Variants in ADA observed in about 807,000 individuals in gnomAD.
ADA encodes adenosine aminohydrolase.
In ADA, 45 loss-of-function variants were observed where a neutral mutation model predicts 49.0. The ratio of observed to expected loss-of-function variants is 0.92; its 90% CI spans 0.72 to 1.18. ADA has a LOEUF of 1.18. Among genes scored for constraint, ADA ranks in the 50% most tolerant of loss-of-function variants. ADA has a pLI of 0.00. For synonymous variants in ADA, 173 were observed against 184.2 expected (o/e 0.94, Z 0.49); for missense variants, 445 against 472.5 (o/e 0.94, Z 0.54).
chr20:44,634,782 T>C (rs895658294), intron 2 of ADA, among the ~76,000 whole-genome samples: 3 of 152,104 alleles, frequency 2.0e-5, no homozygotes, highest in East Asian at 1.9e-4. Context: ...CTCCCGAGAG[T>C]TGGGGGCAAC....
chr20:44,625,533 ACGGG>A, intron 5 of ADA, 32 bp downstream of exon 5: 1 of 1,537,262 alleles, frequency 6.5e-7, no homozygotes. Flanking sequence ...CCAGGGTGAG[ACGGG>A]CGGCCCTGGG....
In ADA at chr20:44,646,813, A is replaced by T. The variant is rs75996801; in HGVS notation, c.33+4762T>A. 8.4e-3 allele frequency among the ~76,000 whole-genome samples: 1,263 copies of T among 150,834 alleles called. 30 individuals are homozygous for T. The highest frequency in any genetic ancestry group is 0.029 in the African/African-American group (1,184 of 40,888). On this transcript the variant is annotated intron_variant, in intron 1 of 11. Coordinates refer to ENST00000372874, the MANE Select transcript of ADA (RefSeq NM_000022.4). ...CCCCACACTGCCCCCTCTTTTTTGC[A>T]TAAAGTGGAATTGGCAAATGAGCAA...
chr20:44,632,990 G>A (rs1035137959), intron 2 of ADA, among the ~76,000 whole-genome samples: 2 of 152,204 alleles, frequency 1.3e-5, no homozygotes, highest in African/African-American at 2.4e-5. Context: ...CACCATGCAC[G>A]CTCTGTTCTT....
rs746049112 is a variant in ADA at position 44,629,033 on chromosome 20, T to G, written c.218+14A>C. 3 of 1,614,012 alleles carry G rather than the reference T, an allele frequency of 1.9e-6. No individual in the cohort carries two copies. In the Admixed American group the frequency reaches 5.0e-5, roughly 27 times the overall value. On this transcript the variant is annotated intron_variant, in intron 3 of 11. Transcript: ENST00000372874. ...CAATGCTGCCCTAGGACCTGTGGGT[T>G]GGGGGCAACTCACGCGATAGCAGGC...
chr20:44,647,936 C>T (rs1039384647), intron 1 of ADA, among the ~76,000 whole-genome samples: 4 of 151,904 alleles, frequency 2.6e-5, no homozygotes, highest in African/African-American at 9.7e-5. Flanking sequence ...GTCCCAGCTA[C>T]TTGGGAGGCT....
chr20:44,621,809 T>C (rs1286542150), intron 9 of ADA, among the ~76,000 whole-genome samples: 1 of 152,194 alleles, frequency 6.6e-6, no homozygotes, highest in Non-Finnish European at 1.5e-5. Context: ...GGGCCACTGC[T>C]TCTCCTTCAG....
At chr20:44,634,027 C>T (rs999352447) in intron 2 of ADA, among the ~76,000 whole-genome samples, 11 of 152,262 alleles carry the variant, frequency 7.2e-5, no homozygotes, top group South Asian at 2.1e-4. Flanking sequence ...ACCTGCCGCA[C>T]GCCATCTCCA....
At chr20:44,620,144 G>A (rs187737865) in intron 11 of ADA, among the ~76,000 whole-genome samples, 155 bp downstream of exon 11, 121 of 152,288 alleles carry the variant, frequency 7.9e-4, no homozygotes, top group Non-Finnish European at 3.5e-4. Context: ...CCGATCTAAT[G>A]AGACGCTGCT....
chr20:44,640,929 C>T (rs372791765), intron 1 of ADA, among the ~76,000 whole-genome samples: 3 of 152,100 alleles, frequency 2.0e-5, no homozygotes, highest in East Asian at 1.9e-4. Flanking sequence ...TGGATTCCCC[C>T]GAGAGCCTTC....
intron 2 of ADA, among the ~76,000 whole-genome samples, chr20:44,629,595 T>G (rs1195451445): frequency 6.6e-6 from 1 of 152,168 alleles, no homozygotes. Flanking sequence ...TCAGGGGCAG[T>G]AACTGCAGCA....
rs1555848965 is a variant in ADA at position 44,651,631 on chromosome 20, T to TGCTCCCTCCGCCGCC, written c.-39_-25dup. On this transcript the variant is annotated 5_prime_UTR_variant, in exon 1 of 12. Transcript: ENST00000372874. ...ATGGTGCCCTCGTGCGCCCCGGCGC[T>TGCTCCCTCCGCCGCC]GCTCCCTCCGCCGCCGCTCGGTGGG... The TGCTCCCTCCGCCGCC allele has an allele frequency of 1.1e-5, 16 of 1,510,470 alleles. No individual in the cohort carries two copies. The highest frequency in any genetic ancestry group is 1.2e-5 in the Non-Finnish European group (14 of 1,137,192). 93.6% of individuals were successfully genotyped at this position (1,510,470 alleles called of 1,614,324 possible). A position where few individuals can be genotyped will look rare whatever the true frequency, so the allele number is the denominator to read the frequency against.
intron 2 of ADA, among the ~76,000 whole-genome samples, chr20:44,632,240 T>C (rs945412450): frequency 4.6e-5 from 7 of 151,754 alleles, no homozygotes; most frequent in African/African-American, 1.7e-4. Flanking sequence ...GCCGCGGGCA[T>C]TGGAAGTGCA....
rs79249850 is a variant in ADA, at chr20:44,621,056, G to A, written c.937C>T (p.Arg313Trp). 33 of 1,614,128 alleles carry A rather than the reference G, an allele frequency of 2.0e-5. No individual in the cohort carries two copies. Among genetic ancestry groups the A allele is most frequent in the Admixed American group, 5.0e-5 (3 of 60,010 alleles). The change falls in exon 10 of 12, where the codon CGG (arginine) becomes TGG (tryptophan). Residue 313 changes from arginine to tryptophan, a missense_variant. Coordinates refer to ENST00000372874, the MANE Select transcript of ADA (RefSeq NM_000022.4). ...TCCTCTTCAGTAAAGCCCATGTCCC[G>A]TTTGGTCATCTGGTAATCAGTGTCC... The part of the protein sequence containing the change: ...TLDTDYQMTK[R>W]DMGFTEEEFK...
rs775436011 is a variant in ADA, at chr20:44,622,921, T to G, written c.688A>C (p.Ile230Leu). 7 of 1,614,108 alleles carry G rather than the reference T, an allele frequency of 4.3e-6. No homozygotes were observed. Among genetic ancestry groups the G allele is most frequent in the Admixed American group, 1.7e-5 (1 of 60,012 alleles). ...TGTCCCAGCCGCTCTGTCTTGAGTA[T>G]GTCCACAGCCTGTAGAGAAGCAGAA... ...SAEVVKEAVD[I>L]LKTERLGHGY... Residue 230 changes from isoleucine to leucine, a missense_variant, in exon 8 of 12, where the codon ATA (isoleucine) becomes CTA (leucine). By Grantham distance (5) the Ile-to-Leu change is conservative. Coordinates refer to ENST00000372874, the MANE Select transcript of ADA (RefSeq NM_000022.4).
chr20:44,629,715 G>T (rs2065416203), intron 2 of ADA, among the ~76,000 whole-genome samples: 1 of 152,188 alleles, frequency 6.6e-6, no homozygotes, highest in Non-Finnish European at 1.5e-5. Context: ...GGAGGCTCAG[G>T]GGAGGGGCCC....
chr20:44,632,360 G>A (rs915809661), intron 2 of ADA, among the ~76,000 whole-genome samples: 1 of 152,144 alleles, frequency 6.6e-6, no homozygotes, highest in Non-Finnish European at 1.5e-5. Context: ...CACTGGGAAG[G>A]CACTGTAGGA....
chr20:44,647,732 C>T (rs1348824887), intron 1 of ADA, among the ~76,000 whole-genome samples: 5 of 151,934 alleles, frequency 3.3e-5, no homozygotes, highest in East Asian at 1.9e-4. Context: ...AGCTGGCTAA[C>T]GTGGTGAAAC....
chr20:44,633,727 T>C (rs1394368474), intron 2 of ADA, among the ~76,000 whole-genome samples: 1 of 152,106 alleles, frequency 6.6e-6, no homozygotes, highest in Non-Finnish European at 1.5e-5. Context: ...GTAGAAATAG[T>C]TGACAGGGTT....
chr20:44,633,435 G>C (rs192587553), intron 2 of ADA, among the ~76,000 whole-genome samples: 131 of 152,318 alleles, frequency 8.6e-4, no homozygotes, highest in Non-Finnish European at 1.5e-3. Context: ...ACTAAGCAAG[G>C]AGCCTTAGAG....
Sources: gnomAD v4.1 joint callset for allele counts (sites outside exome capture counted in the v4.1 genomes callset) on GRCh38, gnomAD v4.1.1 for gene constraint, MANE v1.5 for transcripts, NCBI Gene and HGNC (gene_info 2026-07-23, HGNC 2026-07-21) for gene names.